SPATA13: variants seen among roughly 807,000 people sequenced by gnomAD.
SPATA13 encodes the protein spermatogenesis-associated protein 13.
Under a neutral mutation model 104.0 loss-of-function variants are expected in SPATA13, and 50 were observed. The ratio of observed to expected loss-of-function variants is 0.48; its 90% CI spans 0.38 to 0.61. The LOEUF (loss-of-function observed/expected upper bound fraction) is 0.61. Ranked by LOEUF, SPATA13 falls within the 20% of genes least tolerant of loss-of-function variation. The pLI is 0.00. For missense variants in SPATA13, 1,524 were observed against 1,690.6 expected, an observed-to-expected ratio of 0.90 and a Z score of 1.73; for synonymous variants, 606 against 667.5, an observed-to-expected ratio of 0.91 and a Z score of 1.42.
rs578230480 is a variant in SPATA13, at chr13:24,286,827, C to T, written c.2544C>T (p.Asp848=). ...GCAGCACCCCCAGTGAGGAGCAGGA[C>T]GAGGAGGCCAGCCAGAGCCGCCACA... is the stretch of plus-strand genomic sequence containing the variant. ...NSSSTPSEEQ[D]EEASQSRHRH... is the part of the protein sequence containing the mutation. Residue 848 remains aspartate, a synonymous_variant, in exon 7 of 13, where the codon GAC becomes GAT. Transcript: ENST00000382108. This position sits in a 1 kb window ranked among gnomAD's most constrained non-coding sequence, Gnocchi z 4.9. 1.4e-4 allele frequency: 220 copies of T among 1,613,580 alleles called. 2 individuals are homozygous for T. The South Asian group carries it at 2.2e-3, about 16-fold the overall frequency.
At chr13:24,026,256 C>A (rs1009274257) in intron 3 of SPATA13, among the ~76,000 whole-genome samples, 1 of 152,084 alleles carries the variant, frequency 6.6e-6, no homozygotes, top group Non-Finnish European at 1.5e-5. Flanking sequence ...GTTAAGAAAT[C>A]CTTTCCTATT....
chr13:24,246,913 A>G (rs1873173718), intron 2 of SPATA13, among the ~76,000 whole-genome samples: 1 of 152,156 alleles, frequency 6.6e-6, no homozygotes, highest in Admixed American at 6.5e-5. Flanking sequence ...AGTATGTGGC[A>G]TCTTACTAGG....
chr13:24,223,690 G>T lies in SPATA13; in HGVS notation c.761G>T (p.Ser254Ile), dbSNP rs1262137179. ...NNSMGYRRSK[S>I]TDNLAFLKKS... ...AGCATGGGCTACAGGAGGAGCAAGAGCACGGACAATCTTGCCTTTCTGAAG... is the reference window on the plus strand; with the variant it reads ...AGCATGGGCTACAGGAGGAGCAAGATCACGGACAATCTTGCCTTTCTGAAG... Residue 254 changes from serine (S) to isoleucine (I), a missense_variant, in exon 2 of 13, where the codon AGC becomes ATC. This residue lies in a region of SPATA13 where 1,089 missense variants were observed against 1,135.9 expected (regional missense o/e 0.96). Transcript: ENST00000382108. 6.4e-7 allele frequency: 1 copy of T among 1,552,228 alleles called. No homozygotes were observed. The highest frequency in any genetic ancestry group is 8.7e-7 in the Non-Finnish European group (1 of 1,147,118).
At chr13:24,190,067 T>A (rs376569772) in intron 1 of SPATA13, among the ~76,000 whole-genome samples, 782 of 4,656 alleles carry the variant, frequency 0.17, 327 homozygotes, top group Non-Finnish European at 0.79. Context: ...AATGATATAC[T>A]ATATATATTA....
intron 1 of SPATA13, among the ~76,000 whole-genome samples, chr13:24,184,563 G>C (rs957126350): frequency 1.3e-5 from 2 of 152,154 alleles, no homozygotes; most frequent in African/African-American, 4.8e-5. Flanking sequence ...TGTTTAACTT[G>C]TTGATTTTTT....
intron 2 of SPATA13, among the ~76,000 whole-genome samples, chr13:24,241,559 T>C (rs1013934440): frequency 6.6e-6 from 1 of 152,234 alleles, no homozygotes; most frequent in Non-Finnish European, 1.5e-5. Flanking sequence ...ACAGTGGTTG[T>C]TCCTCAGCTT....
chr13:24,173,017 C>T (rs1321246207), intron 1 of SPATA13, among the ~76,000 whole-genome samples: 2 of 152,136 alleles, frequency 1.3e-5, no homozygotes, highest in Non-Finnish European at 2.9e-5. Flanking sequence ...GTTTCATACA[C>T]ATTTTGTTAG....
chr13:24,237,956 ATACATGT>A (rs1358104022), intron 2 of SPATA13, among the ~76,000 whole-genome samples: 1 of 148,276 alleles, frequency 6.7e-6, no homozygotes, highest in East Asian at 1.9e-4. Flanking sequence ...ATATATAAAC[ATACATGT>A]TTAAATATGC....
At chr13:24,038,060 T>C (rs182435194) in intron 3 of SPATA13, among the ~76,000 whole-genome samples, 3,307 of 151,890 alleles carry the variant, frequency 0.022, 103 homozygotes, top group African/African-American at 0.07. Flanking sequence ...TATAGGCGCC[T>C]GCCACCATGC....
At chr13:24,069,811 C>A (rs1879095559) in intron 3 of SPATA13, among the ~76,000 whole-genome samples, 2 of 152,108 alleles carry the variant, frequency 1.3e-5, no homozygotes, top group African/African-American at 2.4e-5. Context: ...ATCATTTGTA[C>A]ATAATCTAAG....
chr13:23,989,526 A>C (rs1057038755), intron 2 of SPATA13, among the ~76,000 whole-genome samples: 1 of 152,202 alleles, frequency 6.6e-6, no homozygotes, highest in African/African-American at 2.4e-5. Flanking sequence ...CGTATTATTA[A>C]ATATCATTTG....
intron 3 of SPATA13, among the ~76,000 whole-genome samples, chr13:24,062,107 T>C (rs1456010354): frequency 6.6e-6 from 1 of 152,202 alleles, no homozygotes; most frequent in East Asian, 1.9e-4. Flanking sequence ...TGGGGGTATC[T>C]TGAGGAACAC....
At chr13:24,119,489 G>A (rs1880964726) in intron 3 of SPATA13, among the ~76,000 whole-genome samples, 1 of 152,192 alleles carries the variant, frequency 6.6e-6, no homozygotes, top group Admixed American at 6.5e-5. Context: ...GTCCAGACAT[G>A]TAGGATACCA....
chr13:24,228,856 T>C (rs1872099630), intron 2 of SPATA13, among the ~76,000 whole-genome samples: 1 of 152,234 alleles, frequency 6.6e-6, no homozygotes, highest in African/African-American at 2.4e-5. Context: ...ATAGGGAGAA[T>C]AATTTTTATT....
At chr13:24,123,447 T>C (rs1306441846) in intron 3 of SPATA13, 65 of 1,479,496 alleles carry the variant, frequency 4.4e-5, no homozygotes, top group Admixed American at 6.7e-5. Context: ...TTCCATCTGA[T>C]CGTTATAGAT....
In SPATA13 at chr13:24,147,623, T is replaced by C. The variant is rs575726411; in HGVS notation, c.-111-75196T>C. 3.3e-5 allele frequency among the ~76,000 whole-genome samples: 5 copies of C among 152,280 alleles called. No homozygotes were observed. The East Asian group carries it at 9.6e-4, about 29-fold the overall frequency. On this transcript the variant is annotated intron_variant, in intron 3 of 14. Coordinates refer to the SPATA13 transcript ENST00000424834. ...CTTTTAAAAAAACTTGTAGTAAATA[T>C]ACAGAACAAAACGTACCATCTTAAC...
intron 1 of SPATA13, among the ~76,000 whole-genome samples, chr13:24,187,448 C>T (rs1022108395): frequency 1.4e-4 from 21 of 152,058 alleles, no homozygotes; most frequent in Admixed American, 3.3e-4. Context: ...AAACAGCGAC[C>T]GGCTTACGTT....
At chr13:24,300,009 C>T (rs1426441848) in intron 11 of SPATA13, among the ~76,000 whole-genome samples, 1 of 152,216 alleles carries the variant, frequency 6.6e-6, no homozygotes, top group East Asian at 1.9e-4. Flanking sequence ...GTGCAAAGCT[C>T]TCATAGCGTA....
chr13:24,097,894 G>A (rs540931039), intron 3 of SPATA13, among the ~76,000 whole-genome samples: 2 of 152,240 alleles, frequency 1.3e-5, no homozygotes, highest in African/African-American at 4.8e-5. Flanking sequence ...AACATGAAAG[G>A]GACAGACAAC....
Sources: gnomAD v4.1 joint callset for allele counts (sites outside exome capture counted in the v4.1 genomes callset) on GRCh38, gnomAD v4.1.1 for gene constraint, gnomAD v4.1.1 regional missense constraint, Gnocchi (gnomAD v3.1) non-coding constraint, MANE v1.5 for transcripts, NCBI Gene and HGNC (gene_info 2026-07-23, HGNC 2026-07-21) for gene names.